Variants in SNCG observed in about 807,000 individuals in gnomAD.
SNCG encodes the protein gamma-synuclein.
In SNCG, 13 loss-of-function variants were observed where a neutral mutation model predicts 16.0. The ratio of observed to expected loss-of-function variants is 0.81; its 90% CI spans 0.53 to 1.29. SNCG has a LOEUF of 1.29. Ranked by LOEUF, SNCG falls within the 50% of genes most tolerant of loss-of-function variation. The probability of loss-of-function intolerance (pLI) is 0.00; values close to 1 mark genes in which losing one functional copy is unlikely to be tolerated. For synonymous variants in SNCG, 66 were observed against 66.3 expected, an observed-to-expected ratio of 1.00 and a Z score of 0.02; for missense variants, 154 against 168.5, an observed-to-expected ratio of 0.91 and a Z score of 0.48.
At chr10:86,957,770 G>A (rs1015030761), upstream of SNCG, 60 of 1,341,280 alleles carry the variant, frequency 4.5e-5, no homozygotes, top group African/African-American at 8.9e-5. Context: ...TGTCCCTGAG[G>A]ACTTGGCTCA....
chr10:86,962,157 C>T (rs939181246), intron 3 of SNCG, among the ~76,000 whole-genome samples: 6 of 152,284 alleles, frequency 3.9e-5, no homozygotes, highest in Admixed American at 2.6e-4. Flanking sequence ...ACTTTGAGCT[C>T]GAAGGCCCTG....
At chr10:86,957,886 C>T, upstream of SNCG, 1 of 1,099,690 alleles carries the variant, frequency 9.1e-7, no homozygotes. Context: ...GAGGTGGGGC[C>T]ACAGGAAGTG....
In SNCG at chr10:86,959,371, G is replaced by A; in HGVS notation, c.122-262G>A. On this transcript the variant is annotated intron_variant, in intron 1 of 4. Coordinates refer to ENST00000372017, the MANE Select transcript of SNCG (RefSeq NM_003087.3). This position sits in a 1 kb window ranked among gnomAD's most constrained non-coding sequence, Gnocchi z 4.3. ...CTGAGGCCCGGCCACACCCGGGCAG[G>A]GGCTGGACCCTGGGTCTAGCCAGTG... 3 of 572,672 alleles carry A rather than the reference G, an allele frequency of 5.2e-6. No individual in the cohort carries two copies. The highest frequency in any genetic ancestry group is 9.3e-6 in the Non-Finnish European group (3 of 323,176). 35.5% of individuals were successfully genotyped at this position (572,672 alleles called of 1,614,324 possible).
upstream of SNCG, chr10:86,957,287 G>A: frequency 7.4e-7 from 1 of 1,344,588 alleles, no homozygotes; most frequent in Admixed American, 1.8e-5. Context: ...TCACAGATGG[G>A]ACCCCAGTGA....
Position 86,959,432 on chromosome 10 carries a change from A to G in SNCG, c.122-201A>G. 1 of 605,854 alleles carries G rather than the reference A, an allele frequency of 1.7e-6. No homozygotes were observed. Among genetic ancestry groups the G allele is most frequent in the Non-Finnish European group, 2.9e-6 (1 of 339,468 alleles). 37.5% of individuals were successfully genotyped at this position (605,854 alleles called of 1,614,324 possible). On this transcript the variant is annotated intron_variant, in intron 1 of 4. Transcript: ENST00000372017. This position sits in a 1 kb window ranked among gnomAD's most constrained non-coding sequence, Gnocchi z 4.3. ...AGGCCTGCTCTCTCTTGTCCCCCAC[A>G]TTCTGTCCTGTCCCCTTCCCATCCA... is the stretch of plus-strand genomic sequence containing the variant.
upstream of SNCG, chr10:86,958,503 C>T: frequency 8.4e-7 from 1 of 1,184,002 alleles, no homozygotes; most frequent in Non-Finnish European, 1.1e-6. Flanking sequence ...TCCTTCCCTC[C>T]CTCCCTCCCT....
chr10:86,960,149 C>T lies in SNCG; in HGVS notation c.291+21C>T, dbSNP rs1220802479. 10 of 1,600,572 alleles carry T rather than the reference C, an allele frequency of 6.2e-6. No individual in the cohort carries two copies. The African/African-American group carries it at 1.2e-4, about 19-fold the overall frequency. ...GCAAGGTGAGCCCCGGCCCTCAGACCTGCCCAGTCCTCTCCTGGGCCCAGA... is the reference window on the plus strand; with the variant it reads ...GCAAGGTGAGCCCCGGCCCTCAGACTTGCCCAGTCCTCTCCTGGGCCCAGA... On this transcript the variant is annotated intron_variant, in intron 3 of 4. Transcript: ENST00000372017.
At chr10:86,958,297 C>T, upstream of SNCG, 1 of 984,660 alleles carries the variant, frequency 1.0e-6, no homozygotes, top group Non-Finnish European at 1.2e-6. Context: ...GACACAGCAC[C>T]CCTGGGGCCA....
chr10:86,958,617 A>G lies in SNCG; in HGVS notation c.-81A>G. ...CATCGGGGACAGCCGCTGCGGCAGC[A>G]CTCGAGCCAGCTCAAGCCCGCAGCT... On this transcript the variant is annotated 5_prime_UTR_variant, in exon 1 of 5. Coordinates refer to ENST00000372017, the MANE Select transcript of SNCG (RefSeq NM_003087.3). The G allele has an allele frequency of 6.4e-7, 1 of 1,561,696 alleles. No homozygotes were observed. The highest frequency in any genetic ancestry group is 8.7e-7 in the Non-Finnish European group (1 of 1,150,726).
intron 3 of SNCG, among the ~76,000 whole-genome samples, chr10:86,961,360 T>C (rs1844346224): frequency 6.6e-6 from 1 of 152,132 alleles, no homozygotes; most frequent in African/African-American, 2.4e-5. Flanking sequence ...TCGGCCTCCC[T>C]GGGCTGTGTG....
upstream of SNCG, among the ~76,000 whole-genome samples, chr10:86,956,162 C>T (rs145805340): frequency 1.6e-3 from 228 of 142,536 alleles, 8 homozygotes; most frequent in East Asian, 0.046. Context: ...CTCCCCTTGC[C>T]GCCCCACCAC....
rs1425548148 is a variant in SNCG, at chr10:86,959,779, G to A, written c.163+105G>A. On this transcript the variant is annotated intron_variant, in intron 2 of 4. Coordinates refer to ENST00000372017, the MANE Select transcript of SNCG (RefSeq NM_003087.3). This position sits in a 1 kb window ranked among gnomAD's most constrained non-coding sequence, Gnocchi z 4.3. ...TAGAGTCCTGCCTTACCCCCAACTG[G>A]GGTCCCAAGCCCTACAGACCCCTGC... is the stretch of plus-strand genomic sequence containing the variant. 1.5e-6 allele frequency: 2 copies of A among 1,314,058 alleles called. No individual in the cohort carries two copies. Among genetic ancestry groups the A allele is most frequent in the Non-Finnish European group, 2.1e-6 (2 of 961,948 alleles). 81.4% of individuals were successfully genotyped at this position (1,314,058 alleles called of 1,614,324 possible). A position where few individuals can be genotyped will look rare whatever the true frequency, so the allele number is the denominator to read the frequency against.
chr10:86,962,844 G>A lies in SNCG; in HGVS notation c.364-121G>A, dbSNP rs1844380277. 4.8e-6 allele frequency: 6 copies of A among 1,247,038 alleles called. 1 individual carries two copies. Among genetic ancestry groups the A allele is most frequent in the Non-Finnish European group, 6.8e-6 (6 of 888,218 alleles). 77.2% of individuals were successfully genotyped at this position (1,247,038 alleles called of 1,614,324 possible). On this transcript the variant is annotated intron_variant, in intron 4 of 4. Transcript: ENST00000372017. ...GGGCTAACCCTGAACCTGAGTGGGA[G>A]GTCCCCCCACGGATGACCCCTCAGG...
chr10:86,960,137 C>G lies in SNCG; in HGVS notation c.291+9C>G, dbSNP rs534261359. 6.2e-7 allele frequency: 1 copy of G among 1,609,478 alleles called. No homozygotes were observed. Among genetic ancestry groups the G allele is most frequent in the Non-Finnish European group, 8.5e-7 (1 of 1,177,332 alleles). On this transcript the variant is annotated intron_variant, in intron 3 of 4. Transcript: ENST00000372017. ...CCGGGGTGGTGCGCAAGGTGAGCCC[C>G]GGCCCTCAGACCTGCCCAGTCCTCT...
chr10:86,957,449 A>T, upstream of SNCG: 1 of 1,613,724 alleles, frequency 6.2e-7, no homozygotes, highest in Non-Finnish European at 8.5e-7. Context: ...AGCTCTGCAG[A>T]TCAGAGAGGC....
chr10:86,959,529 C>A lies in SNCG; in HGVS notation c.122-104C>A, dbSNP rs1054131747. 8.9e-6 allele frequency: 9 copies of A among 1,007,818 alleles called. No homozygotes were observed. The highest frequency in any genetic ancestry group is 6.4e-5 in the African/African-American group (4 of 62,636). 62.4% of individuals were successfully genotyped at this position (1,007,818 alleles called of 1,614,324 possible). The stretch of plus-strand genomic sequence containing the variant: ...CCGGCCCCCAGACACCATCCTTACC[C>A]CCCCACCGACCCCACAGTTTGTCCA... On this transcript the variant is annotated intron_variant, in intron 1 of 4. Coordinates refer to ENST00000372017, the MANE Select transcript of SNCG (RefSeq NM_003087.3). This position sits in a 1 kb window ranked among gnomAD's most constrained non-coding sequence, Gnocchi z 4.3.
chr10:86,963,028 G>C lies in SNCG; in HGVS notation c.*43G>C. ...TGGATGACCTGAAGAGCGCTCCTCT[G>C]CCTTGGACACCATCCCCTCCTAGCA... On this transcript the variant is annotated 3_prime_UTR_variant, in exon 5 of 5. Transcript: ENST00000372017. 1 of 1,576,802 alleles carries C rather than the reference G, an allele frequency of 6.3e-7. No homozygotes were observed. The highest frequency in any genetic ancestry group is 8.6e-7 in the Non-Finnish European group (1 of 1,159,500).
At chr10:86,958,501 T>TCCCCCCCCCCCCC, upstream of SNCG, 1 of 644,760 alleles carries the variant, frequency 1.6e-6, no homozygotes, top group Non-Finnish European at 2.2e-6. Context: ...CCTCCTTCCC[T>TCCCCCCCCCCCCC]CCCTCCCTCC....
Position 86,959,661 on chromosome 10 carries a change from G to C in SNCG, c.150G>C (p.Gln50His). The change falls in exon 2 of 5, where the codon CAG becomes CAC. Residue 50 changes from glutamine to histidine, a missense_variant. Transcript: ENST00000372017. This position sits in a 1 kb window ranked among gnomAD's most constrained non-coding sequence, Gnocchi z 4.3. The stretch of plus-strand genomic sequence containing the variant: ...CCAAGACCAAGGAGAATGTTGTACA[G>C]AGCGTGACCTCAGGTGAGAAGCCCC... ...VGAKTKENVV[Q>H]SVTSVAEKTK... is the part of the protein sequence containing the mutation. The C allele has an allele frequency of 6.2e-7, 1 of 1,611,712 alleles. No homozygotes were observed. Among genetic ancestry groups the C allele is most frequent in the Non-Finnish European group, 8.5e-7 (1 of 1,179,184 alleles).
Sources: gnomAD v4.1 joint callset for allele counts (sites outside exome capture counted in the v4.1 genomes callset) on GRCh38, gnomAD v4.1.1 for gene constraint, Gnocchi (gnomAD v3.1) non-coding constraint, MANE v1.5 for transcripts, NCBI Gene and HGNC (gene_info 2026-07-23, HGNC 2026-07-21) for gene names.